Variants in DTWD2 observed in about 807,000 individuals in gnomAD.
The protein encoded by DTWD2 is DTW motif tRNA-uridine aminocarboxypropyltransferase 2.
In DTWD2, 39 loss-of-function variants were observed where a neutral mutation model predicts 31.8. The observed-to-expected ratio is 1.22, with a 90% CI of 0.95 to 1.60. DTWD2 has a LOEUF of 1.60. Ranked by LOEUF, DTWD2 falls within the 40% of genes most tolerant of loss-of-function variation. The pLI is 0.00. For missense variants in DTWD2, 515 were observed against 381.5 expected, an observed-to-expected ratio of 1.35 and a Z score of -2.92; for synonymous variants, 180 against 142.8, an observed-to-expected ratio of 1.26 and a Z score of -1.86.
intron 4 of DTWD2, among the ~76,000 whole-genome samples, chr5:118,887,074 A>G (rs1035011955): frequency 3.9e-5 from 6 of 152,226 alleles, no homozygotes; most frequent in Non-Finnish European, 5.9e-5. Context: ...TGCTATTACT[A>G]GCAAAAAAAT....
intron 1 of DTWD2, among the ~76,000 whole-genome samples, chr5:118,965,505 T>C (rs1002740129): frequency 1.3e-5 from 2 of 152,164 alleles, no homozygotes; most frequent in African/African-American, 2.4e-5. Flanking sequence ...GGGGAAAAGA[T>C]AGAGAAATCA....
intron 5 of DTWD2, among the ~76,000 whole-genome samples, chr5:118,845,172 A>C (rs1751821246): frequency 6.6e-6 from 1 of 152,130 alleles, no homozygotes; most frequent in Admixed American, 6.6e-5. Flanking sequence ...AAGAAAAAGA[A>C]AAGTGAAGGA....
intron 4 of DTWD2, among the ~76,000 whole-genome samples, chr5:118,894,112 G>C (rs1753032211): frequency 6.6e-6 from 1 of 151,274 alleles, no homozygotes; most frequent in Non-Finnish European, 1.5e-5. Context: ...CATACCACCA[G>C]TGTCTTTCTT....
intron 4 of DTWD2, among the ~76,000 whole-genome samples, chr5:118,859,323 A>C (rs1375095694): frequency 6.6e-6 from 1 of 152,160 alleles, no homozygotes; most frequent in Non-Finnish European, 1.5e-5. Context: ...TTAATGAGTT[A>C]ATAATCTCAT....
At position 118,934,605 on chromosome 5, in the gene DTWD2, C is replaced by T. The variant is rs544801429; in HGVS notation, c.404+4591G>A. 9.2e-4 allele frequency among the ~76,000 whole-genome samples: 140 copies of T among 151,968 alleles called. 1 individual carries two copies. The Middle Eastern group carries it at 0.017, about 18-fold the overall frequency. ...AAGCCAGCAAAGAAATAGAATGGAA[C>T]GCTAAGAAAAACTTAGTAACCCAGA... On this transcript the variant is annotated intron_variant, in intron 3 of 5. Transcript: ENST00000510708.
intron 1 of DTWD2, among the ~76,000 whole-genome samples, chr5:118,969,894 G>A (rs573017649): frequency 7.0e-4 from 106 of 152,240 alleles, no homozygotes; most frequent in South Asian, 4.1e-3. Context: ...CTGAGCTAAA[G>A]GAGCATGTTC....
intron 4 of DTWD2, among the ~76,000 whole-genome samples, chr5:118,881,551 C>T (rs1752740422): frequency 6.6e-6 from 1 of 152,076 alleles, no homozygotes; most frequent in South Asian, 2.1e-4. Flanking sequence ...ATGTATTAGT[C>T]TGTTTACATA....
chr5:118,915,978 G>A (rs1753566664), intron 4 of DTWD2, among the ~76,000 whole-genome samples: 1 of 152,190 alleles, frequency 6.6e-6, no homozygotes, highest in African/African-American at 2.4e-5. Context: ...AAAGAAGTTG[G>A]ATAAACAACA....
intron 4 of DTWD2, among the ~76,000 whole-genome samples, chr5:118,923,816 G>A (rs1427361891): frequency 1.3e-5 from 2 of 152,152 alleles, no homozygotes; most frequent in Non-Finnish European, 2.9e-5. Context: ...GTAACTCAGG[G>A]TAACTCGGAT....
At chr5:118,933,016 A>G (rs988750855) in intron 3 of DTWD2, among the ~76,000 whole-genome samples, 1 of 152,206 alleles carries the variant, frequency 6.6e-6, no homozygotes, top group Non-Finnish European at 1.5e-5. Context: ...AGTCATTAAG[A>G]AAATAATAAA....
intron 4 of DTWD2, among the ~76,000 whole-genome samples, chr5:118,923,626 C>A (rs1241651156): frequency 6.6e-6 from 1 of 152,218 alleles, no homozygotes; most frequent in East Asian, 1.9e-4. Context: ...CCTTCAGGCA[C>A]CCTCTTGGAT....
intron 1 of DTWD2, among the ~76,000 whole-genome samples, chr5:118,984,619 G>A (rs540871197): frequency 6.6e-6 from 1 of 152,238 alleles, no homozygotes; most frequent in South Asian, 2.1e-4. Context: ...AATTCTTACA[G>A]CTTGTTACTT....
intron 4 of DTWD2, among the ~76,000 whole-genome samples, chr5:118,868,687 A>G (rs1752434764): frequency 6.6e-6 from 1 of 151,980 alleles, no homozygotes; most frequent in African/African-American, 2.4e-5. Flanking sequence ...AAAACATTAA[A>G]AATTAGCCAG....
At chr5:118,934,827 C>G (rs1360568739) in intron 3 of DTWD2, among the ~76,000 whole-genome samples, 1 of 152,176 alleles carries the variant, frequency 6.6e-6, no homozygotes, top group Non-Finnish European at 1.5e-5. Flanking sequence ...CATATAAACA[C>G]TAGCACCCAC....
chr5:118,869,086 G>C (rs1413258321), intron 4 of DTWD2, among the ~76,000 whole-genome samples: 1 of 152,086 alleles, frequency 6.6e-6, no homozygotes, highest in Non-Finnish European at 1.5e-5. Flanking sequence ...CATACAGTTA[G>C]TTTTGCAAGA....
intron 4 of DTWD2, among the ~76,000 whole-genome samples, chr5:118,878,884 A>G (rs1002879619): frequency 6.6e-6 from 1 of 152,256 alleles, no homozygotes; most frequent in Non-Finnish European, 1.5e-5. Context: ...GTCATATGAA[A>G]GAAAGCTCAA....
chr5:118,984,751 A>T (rs949562084), intron 1 of DTWD2, among the ~76,000 whole-genome samples: 1 of 152,128 alleles, frequency 6.6e-6, no homozygotes, highest in Admixed American at 6.6e-5. Context: ...CTGTTTTTAG[A>T]CATTATTCCA....
intron 5 of DTWD2, among the ~76,000 whole-genome samples, chr5:118,843,480 G>A (rs1340450303): frequency 6.6e-6 from 1 of 152,080 alleles, no homozygotes; most frequent in African/African-American, 2.4e-5. Context: ...TTATTTTAAT[G>A]AGGAAAATAA....
intron 1 of DTWD2, 175 bp downstream of exon 1, chr5:118,988,119 G>C (rs914474357): frequency 3.8e-6 from 3 of 779,808 alleles, no homozygotes; most frequent in African/African-American, 3.4e-5. Flanking sequence ...CCTGGAAAAA[G>C]GGCTTCTTAC....
Sources: gnomAD v4.1 joint callset for allele counts (sites outside exome capture counted in the v4.1 genomes callset) on GRCh38, gnomAD v4.1.1 for gene constraint, MANE v1.5 for transcripts, NCBI Gene and HGNC (gene_info 2026-07-23, HGNC 2026-07-21) for gene names.